The following USP43 variants were observed in gnomAD, a reference collection of about 807,000 sequenced individuals.
The protein encoded by USP43 is ubiquitin specific peptidase 43, also known as ubiquitin carboxyl-terminal hydrolase 43.
In USP43, 33 loss-of-function variants were observed where a neutral mutation model predicts 90.7. That is an observed-to-expected ratio of 0.36 (90% CI 0.28 to 0.49). USP43 has a LOEUF of 0.49. Ranked by LOEUF, USP43 falls within the 20% of genes least tolerant of loss-of-function variation. The pLI is 0.98. For missense variants in USP43, 1,274 were observed against 1,476.4 expected (o/e 0.86, Z 2.25); for synonymous variants, 598 against 615.8 (o/e 0.97, Z 0.43).
chr17:9,673,364 C>G (rs1323715632), intron 3 of USP43, among the ~76,000 whole-genome samples: 1 of 152,036 alleles, frequency 6.6e-6, no homozygotes, highest in Non-Finnish European at 1.5e-5. Flanking sequence ...CAAAAATTAG[C>G]CGGGCGTGGT....
intron 9 of USP43, among the ~76,000 whole-genome samples, chr17:9,695,480 C>T (rs886134012): frequency 6.6e-6 from 1 of 151,912 alleles, no homozygotes; most frequent in Non-Finnish European, 1.5e-5. Flanking sequence ...ACTACAGGTG[C>T]GTGCCACCAG....
At chr17:9,647,731 G>A (rs1023134381) in intron 1 of USP43, 1 of 152,098 alleles carries the variant, frequency 6.6e-6, no homozygotes, top group Non-Finnish European at 1.5e-5. Context: ...TTGGCCGAGC[G>A]CGGTGGCTCA....
intron 12 of USP43, among the ~76,000 whole-genome samples, chr17:9,703,006 C>A (rs982702891): frequency 1.3e-5 from 2 of 152,184 alleles, no homozygotes; most frequent in Non-Finnish European, 2.9e-5. Flanking sequence ...TGTGCGGTGC[C>A]AGCCTGTTCT....
rs1489151153 is a variant in USP43 at position 9,682,885 on chromosome 17, C to T, written c.1168C>T (p.Leu390Phe). The change falls in exon 7 of 15, where the codon CTC (leucine) becomes TTC (phenylalanine). Residue 390 changes from leucine (L) to phenylalanine (F), a missense_variant. Physicochemically the swap from Leu to Phe is conservative, Grantham distance 22. Around this residue, in one of 6 missense-constraint regions of USP43, gnomAD observed 253 missense variants for 276.0 expected, o/e 0.92. Transcript: ENST00000285199. ...AGCCCGTGAGGGCCAGCGATTCTCC[C>T]TCTCTCTCCACAGTGAGAGCAAGGT... The part of the protein sequence containing the change: ...LAAREGQRFS[L>F]SLHSESKVLI... 3 of 1,613,630 alleles carry T rather than the reference C, an allele frequency of 1.9e-6. No homozygotes were observed. The highest frequency in any genetic ancestry group is 2.5e-6 in the Non-Finnish European group (3 of 1,179,700).
intron 3 of USP43, among the ~76,000 whole-genome samples, chr17:9,672,758 G>A (rs1913522178): frequency 6.6e-6 from 1 of 152,212 alleles, no homozygotes; most frequent in Admixed American, 6.5e-5. Context: ...GGCAGCATGA[G>A]TGATGGAATG....
intron 6 of USP43, among the ~76,000 whole-genome samples, chr17:9,682,557 G>C (rs1254894179): frequency 6.6e-6 from 1 of 152,232 alleles, no homozygotes; most frequent in Non-Finnish European, 1.5e-5. Context: ...CTGGGGGACA[G>C]AGCGAGACTC....
At chr17:9,712,328 C>G (rs780891706) in intron 14 of USP43, among the ~76,000 whole-genome samples, 196 bp downstream of exon 14, 1 of 152,148 alleles carries the variant, frequency 6.6e-6, no homozygotes, top group Non-Finnish European at 1.5e-5. Flanking sequence ...TACCCTCCAG[C>G]CACAGGTACC....
chr17:9,645,534 A>C lies in USP43; in HGVS notation c.-99A>C. Reference sequence around the variant, plus strand: ...GTCCCCGCACACCTGGCCCGCAGGTAGCCGGCACCAGGAGCCTTAGAGAAG... The same window carrying C: ...GTCCCCGCACACCTGGCCCGCAGGTCGCCGGCACCAGGAGCCTTAGAGAAG... On this transcript the variant is annotated 5_prime_UTR_variant, in exon 1 of 15. Transcript: ENST00000285199. The surrounding 1 kb of genome is among the most constrained non-coding windows in gnomAD (Gnocchi z 6.8). 2 of 1,064,896 alleles carry C rather than the reference A, an allele frequency of 1.9e-6. No homozygotes were observed. The highest frequency in any genetic ancestry group is 2.3e-6 in the Non-Finnish European group (2 of 862,518). 66.0% of individuals were successfully genotyped at this position (1,064,896 alleles called of 1,614,324 possible).
chr17:9,661,493 G>GT (rs1314564420), intron 2 of USP43, among the ~76,000 whole-genome samples: 1 of 152,036 alleles, frequency 6.6e-6, no homozygotes, highest in Admixed American at 6.6e-5. Context: ...CTGAGTAGCT[G>GT]TGACTACAGG....
chr17:9,666,279 T>C (rs1263097414), intron 2 of USP43, among the ~76,000 whole-genome samples: 5 of 152,114 alleles, frequency 3.3e-5, no homozygotes, highest in African/African-American at 4.8e-5. Context: ...TTTGAGGTGA[T>C]GGCAAGCCCA....
intron 9 of USP43, among the ~76,000 whole-genome samples, chr17:9,699,636 C>T (rs753286609): frequency 6.6e-6 from 1 of 152,210 alleles, no homozygotes; most frequent in Non-Finnish European, 1.5e-5. Flanking sequence ...GCTGATCCAC[C>T]GTTTCTGAAA....
chr17:9,684,540 G>T (rs1914485835), intron 7 of USP43, among the ~76,000 whole-genome samples: 1 of 151,708 alleles, frequency 6.6e-6, no homozygotes, highest in Non-Finnish European at 1.5e-5. Context: ...GAGGCGGGCG[G>T]ATCACCTGAG....
chr17:9,668,462 T>A (rs1913186536), intron 3 of USP43, among the ~76,000 whole-genome samples: 1 of 152,246 alleles, frequency 6.6e-6, no homozygotes, highest in African/African-American at 2.4e-5. Flanking sequence ...ATAATTACTG[T>A]CTTTAGAGGC....
intron 12 of USP43, among the ~76,000 whole-genome samples, chr17:9,708,396 G>A (rs1295532119): frequency 6.6e-6 from 1 of 152,208 alleles, no homozygotes; most frequent in East Asian, 1.9e-4. Context: ...AGTTAGGAGG[G>A]TGCTTCAGGG....
intron 5 of USP43, 95 bp downstream of exon 5, chr17:9,676,976 G>T: frequency 6.7e-7 from 1 of 1,486,754 alleles, no homozygotes; most frequent in Non-Finnish European, 9.1e-7. Context: ...TGGTTCCCAG[G>T]TGACTCCAGT....
chr17:9,676,297 A>G (rs1006322948), intron 4 of USP43, among the ~76,000 whole-genome samples: 1 of 152,192 alleles, frequency 6.6e-6, no homozygotes, highest in Non-Finnish European at 1.5e-5. Flanking sequence ...CCACCTGGTG[A>G]CAATGTACCA....
At chr17:9,720,365 C>CTTTT (rs375103424) in intron 14 of USP43, among the ~76,000 whole-genome samples, 1 of 134,158 alleles carries the variant, frequency 7.5e-6, no homozygotes, top group African/African-American at 2.7e-5. Flanking sequence ...AAAAATCCAG[C>CTTTT]TTTTTTTTTT....
At chr17:9,679,826 A>C (rs1405844780) in intron 5 of USP43, among the ~76,000 whole-genome samples, 3 of 152,130 alleles carry the variant, frequency 2.0e-5, no homozygotes, top group Non-Finnish European at 4.4e-5. Flanking sequence ...TCTGCTACAA[A>C]ACCATCTCCT....
intron 14 of USP43, among the ~76,000 whole-genome samples, chr17:9,724,117 C>G (rs1300122585): frequency 1.3e-5 from 2 of 152,186 alleles, no homozygotes; most frequent in East Asian, 1.9e-4. Flanking sequence ...GTCCCACCCT[C>G]TCATGTATGG....
Sources: gnomAD v4.1 joint callset for allele counts (sites outside exome capture counted in the v4.1 genomes callset) on GRCh38, gnomAD v4.1.1 for gene constraint, gnomAD v4.1.1 regional missense constraint, Gnocchi (gnomAD v3.1) non-coding constraint, MANE v1.5 for transcripts, NCBI Gene and HGNC (gene_info 2026-07-23, HGNC 2026-07-21) for gene names.